PDE4D: variants seen among roughly 807,000 people sequenced by gnomAD.
PDE4D encodes the protein phosphodiesterase 4D.
PDE4D carries 24 observed loss-of-function variants against 87.4 expected under a neutral mutation model. The observed-to-expected ratio is 0.27, with a 90% CI of 0.20 to 0.39. The LOEUF is 0.39. PDE4D is among the 10% of genes least tolerant of loss of function. The pLI is 1.00. For synonymous variants in PDE4D, 384 were observed against 383.2 expected (o/e 1.00, Z -0.02); for missense variants, 714 against 1,041.0 (o/e 0.69, Z 4.32).
At chr5:59,364,462 G>GATATCCAGT (rs1392442361) in intron 1 of PDE4D, among the ~76,000 whole-genome samples, 1 of 152,186 alleles carries the variant, frequency 6.6e-6, no homozygotes, top group African/African-American at 2.4e-5. Context: ...TTGGTCAGAT[G>GATATCCAGT]ATATCCAGTA....
intron 1 of PDE4D, among the ~76,000 whole-genome samples, chr5:60,513,854 A>G (rs1374385615): frequency 1.3e-5 from 2 of 151,720 alleles, no homozygotes; most frequent in Non-Finnish European, 2.9e-5. Flanking sequence ...ATAGTCTTAA[A>G]TGTAAATATT....
chr5:59,172,341 A>C (rs1783132005), intron 5 of PDE4D, among the ~76,000 whole-genome samples: 1 of 133,616 alleles, frequency 7.5e-6, no homozygotes, highest in Non-Finnish European at 1.5e-5. Context: ...ATAATATATT[A>C]TATATTATAT....
At chr5:60,162,937 C>A (rs1438279891) in intron 2 of PDE4D, among the ~76,000 whole-genome samples, 1 of 152,110 alleles carries the variant, frequency 6.6e-6, no homozygotes, top group Non-Finnish European at 1.5e-5. Context: ...CATTCCTAGT[C>A]CCTGTCCTGA....
chr5:60,155,064 T>A lies in PDE4D; in HGVS notation c.42+30493A>T, dbSNP rs115711575. Among the ~76,000 whole-genome samples the A allele has an allele frequency of 7.4e-3, 1,124 of 152,342 alleles. 11 individuals carry two copies. The highest frequency in any genetic ancestry group is 0.026 in the African/African-American group (1,070 of 41,578). ...CTGGTGTTACCATGAAACACTCTTGTATAGTCTTTTATGAAAAGTTGCATG... is the reference window on the plus strand; with the variant it reads ...CTGGTGTTACCATGAAACACTCTTGAATAGTCTTTTATGAAAAGTTGCATG... On this transcript the variant is annotated intron_variant, in intron 2 of 16. Coordinates refer to the PDE4D transcript ENST00000502484.
chr5:59,652,411 A>G (rs1480855904), intron 1 of PDE4D, among the ~76,000 whole-genome samples: 2 of 152,194 alleles, frequency 1.3e-5, no homozygotes, highest in South Asian at 4.1e-4. Flanking sequence ...AGAATGCCAC[A>G]TAAGCATTCA....
chr5:59,104,067 G>A (rs1464578834), intron 5 of PDE4D, among the ~76,000 whole-genome samples: 1 of 152,164 alleles, frequency 6.6e-6, no homozygotes, highest in Non-Finnish European at 1.5e-5. Flanking sequence ...AATGTTAGCT[G>A]AATTAAATTT....
At chr5:59,027,047 A>G (rs1265448685) in intron 6 of PDE4D, among the ~76,000 whole-genome samples, 1 of 152,168 alleles carries the variant, frequency 6.6e-6, no homozygotes, top group African/African-American at 2.4e-5. Context: ...CATAATATTT[A>G]GTCCTCATGT....
At chr5:59,281,527 T>C (rs1202855814) in intron 1 of PDE4D, among the ~76,000 whole-genome samples, 1 of 152,168 alleles carries the variant, frequency 6.6e-6, no homozygotes, top group East Asian at 1.9e-4. Context: ...TAAGCATAGG[T>C]AAATATTAAG....
intron 1 of PDE4D, among the ~76,000 whole-genome samples, chr5:59,480,567 C>T (rs953439949): frequency 2.0e-5 from 3 of 152,144 alleles, no homozygotes; most frequent in African/African-American, 7.2e-5. Context: ...GTCACATCAT[C>T]ATGGCATGTG....
At chr5:59,119,004 T>C (rs1187721095) in intron 5 of PDE4D, among the ~76,000 whole-genome samples, 4 of 152,078 alleles carry the variant, frequency 2.6e-5, no homozygotes, top group Non-Finnish European at 4.4e-5. Flanking sequence ...TAAGAAAAGA[T>C]ATAAAAGTAA....
intron 1 of PDE4D, among the ~76,000 whole-genome samples, chr5:60,331,964 C>T (rs1354104798): frequency 6.6e-6 from 1 of 152,128 alleles, no homozygotes; most frequent in African/African-American, 2.4e-5. Context: ...CTAACAAGTC[C>T]AAGGTCTTGA....
At chr5:59,284,091 A>T (rs1766391924) in intron 1 of PDE4D, among the ~76,000 whole-genome samples, 1 of 152,134 alleles carries the variant, frequency 6.6e-6, no homozygotes, top group Non-Finnish European at 1.5e-5. Context: ...TTGCACACGC[A>T]TTTCTGGCAG....
At chr5:59,418,648 A>AT (rs568454055) in intron 1 of PDE4D, among the ~76,000 whole-genome samples, 2,958 of 149,460 alleles carry the variant, frequency 0.02, 92 homozygotes, top group African/African-American at 0.066. Flanking sequence ...TTACCTAACA[A>AT]TTTTTTTTTT....
intron 1 of PDE4D, among the ~76,000 whole-genome samples, chr5:59,806,202 C>G (rs371582970): frequency 6.6e-6 from 1 of 152,306 alleles, no homozygotes; most frequent in Non-Finnish European, 1.5e-5. Context: ...AGACAGCGTT[C>G]CTCTCCAAAG....
chr5:60,207,950 G>C (rs964341546), intron 1 of PDE4D, among the ~76,000 whole-genome samples: 16 of 152,060 alleles, frequency 1.1e-4, no homozygotes, highest in African/African-American at 3.6e-4. Flanking sequence ...TGCTGCTGTG[G>C]GTATAAACCA....
At chr5:59,602,865 G>T (rs1827706071) in intron 1 of PDE4D, among the ~76,000 whole-genome samples, 1 of 151,898 alleles carries the variant, frequency 6.6e-6, no homozygotes, top group African/African-American at 2.4e-5. Flanking sequence ...ACATAATAGA[G>T]AGCCAGAAAT....
intron 1 of PDE4D, among the ~76,000 whole-genome samples, chr5:60,193,540 G>A (rs1487403332): frequency 6.6e-6 from 1 of 151,018 alleles, no homozygotes. Flanking sequence ...CGAGGTGGCG[G>A]GCGCCTGTAG....
At chr5:59,896,702 A>G (rs1751695234), upstream of PDE4D, among the ~76,000 whole-genome samples, 1 of 152,244 alleles carries the variant, frequency 6.6e-6, no homozygotes, top group South Asian at 2.1e-4. Flanking sequence ...TGTAGATACT[A>G]TTAGTTGACT....
intron 1 of PDE4D, among the ~76,000 whole-genome samples, chr5:60,375,942 G>A (rs907010406): frequency 1.3e-5 from 2 of 152,156 alleles, no homozygotes; most frequent in African/African-American, 4.8e-5. Context: ...GGGAGGCTGA[G>A]GCAGGAGAAT....
Sources: gnomAD v4.1 joint callset for allele counts (sites outside exome capture counted in the v4.1 genomes callset) on GRCh38, gnomAD v4.1.1 for gene constraint, MANE v1.5 for transcripts, NCBI Gene and HGNC (gene_info 2026-07-23, HGNC 2026-07-21) for gene names.